Variants in LRRTM4 observed in about 807,000 individuals in gnomAD.
LRRTM4 encodes the protein leucine rich repeat transmembrane neuronal 4, also known as leucine-rich repeat transmembrane neuronal protein 4.
LRRTM4 carries 25 observed loss-of-function variants against 47.6 expected under a neutral mutation model. The observed-to-expected ratio is 0.53, with a 90% CI of 0.38 to 0.73. The LOEUF (loss-of-function observed/expected upper bound fraction) is 0.73. LRRTM4 is among the 30% of genes least tolerant of loss of function. The probability of loss-of-function intolerance (pLI) is 0.00; values close to 1 mark genes in which losing one functional copy is unlikely to be tolerated. For missense variants in LRRTM4, 638 were observed against 713.4 expected (o/e 0.89, Z 1.20); for synonymous variants, 311 against 269.5 (o/e 1.15, Z -1.51).
At chr2:77,154,592 C>A (rs918562220) in intron 3 of LRRTM4, among the ~76,000 whole-genome samples, 5 of 152,076 alleles carry the variant, frequency 3.3e-5, no homozygotes, top group African/African-American at 9.7e-5. Context: ...AATAAAAAAT[C>A]TTTTAATCTA....
chr2:77,344,801 A>C (rs1671502092), intron 3 of LRRTM4, among the ~76,000 whole-genome samples: 1 of 151,838 alleles, frequency 6.6e-6, no homozygotes, highest in South Asian at 2.1e-4. Context: ...CGGAGTTACT[A>C]ACATGAGTCA....
intron 3 of LRRTM4, among the ~76,000 whole-genome samples, chr2:77,299,235 CTCTCTCTTTATCTATATATAT>C (rs1339721834): frequency 4.9e-5 from 7 of 142,854 alleles, no homozygotes; most frequent in African/African-American, 1.8e-4. Context: ...TACAATCTCT[CTCTCTCTTTATCTATATATAT>C]ATACACACAC....
chr2:77,027,253 T>G (rs898690690), intron 3 of LRRTM4, among the ~76,000 whole-genome samples: 1 of 152,182 alleles, frequency 6.6e-6, no homozygotes, highest in East Asian at 1.9e-4. Flanking sequence ...CAAGATTCAA[T>G]TTTTAATGGG....
chr2:77,128,750 C>T (rs531650753), intron 3 of LRRTM4, among the ~76,000 whole-genome samples: 16 of 152,264 alleles, frequency 1.1e-4, no homozygotes, highest in Non-Finnish European at 2.1e-4. Flanking sequence ...AGCGATTCTC[C>T]TCCCTCAGCC....
At chr2:77,166,977 G>T (rs191671153) in intron 3 of LRRTM4, among the ~76,000 whole-genome samples, 1 of 152,064 alleles carries the variant, frequency 6.6e-6, no homozygotes, top group African/African-American at 2.4e-5. Context: ...AAACTAAAGA[G>T]CTTCTACACA....
chr2:76,922,914 G>C (rs565168542), intron 3 of LRRTM4, among the ~76,000 whole-genome samples: 1 of 152,050 alleles, frequency 6.6e-6, no homozygotes, highest in South Asian at 2.1e-4. Context: ...AAATGGAAGT[G>C]TCATGGAAAC....
At chr2:77,335,034 T>C (rs1475393124) in intron 3 of LRRTM4, among the ~76,000 whole-genome samples, 1 of 152,180 alleles carries the variant, frequency 6.6e-6, no homozygotes, top group Non-Finnish European at 1.5e-5. Flanking sequence ...AGCTTTTTCC[T>C]TTTCCTTTCT....
At chr2:77,399,087 C>T (rs1450259594) in intron 3 of LRRTM4, among the ~76,000 whole-genome samples, 1 of 151,604 alleles carries the variant, frequency 6.6e-6, no homozygotes, top group Non-Finnish European at 1.5e-5. Context: ...GTCTTTTTCC[C>T]TGGCTCTTGG....
At chr2:77,152,230 G>C (rs1415492635) in intron 3 of LRRTM4, among the ~76,000 whole-genome samples, 1 of 152,210 alleles carries the variant, frequency 6.6e-6, no homozygotes, top group African/African-American at 2.4e-5. Flanking sequence ...GACCCCAAGA[G>C]AGGGCAGAGA....
intron 3 of LRRTM4, among the ~76,000 whole-genome samples, chr2:76,775,206 G>A (rs1292152550): frequency 6.6e-6 from 1 of 152,046 alleles, no homozygotes; most frequent in Non-Finnish European, 1.5e-5. Context: ...GATGGCTTTT[G>A]CAATTTTTTC....
intron 3 of LRRTM4, among the ~76,000 whole-genome samples, chr2:77,130,857 CG>C (rs1671780370): frequency 3.8e-5 from 1 of 26,072 alleles, no homozygotes; most frequent in Non-Finnish European, 6.7e-5. Context: ...TTTTTTGAGA[CG>C]GAGTCTCGCT....
chr2:77,122,988 T>C (rs963190352), intron 3 of LRRTM4, among the ~76,000 whole-genome samples: 1 of 151,844 alleles, frequency 6.6e-6, no homozygotes, highest in African/African-American at 2.4e-5. Context: ...GACTCTATAA[T>C]AAAAATTACT....
At chr2:77,187,583 C>A (rs758587416) in intron 3 of LRRTM4, among the ~76,000 whole-genome samples, 2 of 151,744 alleles carry the variant, frequency 1.3e-5, no homozygotes, top group African/African-American at 2.4e-5. Flanking sequence ...ATGTAACAAA[C>A]CTGCACGTTG....
At chr2:76,990,729 TAGG>T (rs1444064515) in intron 3 of LRRTM4, among the ~76,000 whole-genome samples, 8 of 151,728 alleles carry the variant, frequency 5.3e-5, no homozygotes, top group African/African-American at 1.5e-4. Flanking sequence ...TGATAGTGCA[TAGG>T]CAGATCATTG....
chr2:77,439,103 A>C (rs559495282), intron 3 of LRRTM4, among the ~76,000 whole-genome samples: 9 of 152,312 alleles, frequency 5.9e-5, no homozygotes, highest in African/African-American at 1.7e-4. Context: ...AAAGCTCAGA[A>C]CCATCAGATT....
In LRRTM4 at chr2:76,747,803, A is replaced by T. The variant is rs1026279914; in HGVS notation, c.*892T>A. ...TAATTAATTTAAAAAGCAATGTTAC[A>T]CATTATCTTGTGTTTAGAAATTTGT... On this transcript the variant is annotated 3_prime_UTR_variant, in exon 4 of 4. Coordinates refer to ENST00000409884, the MANE Select transcript of LRRTM4 (RefSeq NM_001134745.3). The T allele has an allele frequency of 3.9e-5, 6 of 152,222 alleles. No individual in the cohort carries two copies. The highest frequency in any genetic ancestry group is 8.8e-5 in the Non-Finnish European group (6 of 68,038). 9.4% of individuals were successfully genotyped at this position (152,222 alleles called of 1,614,324 possible).
At chr2:76,985,282 C>A (rs1676752811) in intron 3 of LRRTM4, among the ~76,000 whole-genome samples, 1 of 151,996 alleles carries the variant, frequency 6.6e-6, no homozygotes, top group Non-Finnish European at 1.5e-5. Flanking sequence ...AAGTTCCCCA[C>A]CTGTGAATTA....
At chr2:77,194,285 C>A (rs1331079062) in intron 3 of LRRTM4, among the ~76,000 whole-genome samples, 1 of 152,168 alleles carries the variant, frequency 6.6e-6, no homozygotes, top group African/African-American at 2.4e-5. Context: ...CCTATCTTCA[C>A]AACTCTTATG....
chr2:77,387,028 C>T (rs1673306386), intron 3 of LRRTM4, among the ~76,000 whole-genome samples: 1 of 152,066 alleles, frequency 6.6e-6, no homozygotes, highest in South Asian at 2.1e-4. Context: ...GGATTTGAAG[C>T]CCAGTGCCAC....
Sources: allele counts gnomAD v4.1 joint callset (sites outside exome capture counted in the v4.1 genomes callset), GRCh38; gene constraint gnomAD v4.1.1; transcripts MANE v1.5; gene names NCBI Gene and HGNC (gene_info 2026-07-23, HGNC 2026-07-21).